The following PPP2R2B variants were observed in gnomAD, a reference collection of about 807,000 sequenced individuals.
PPP2R2B encodes the protein protein phosphatase 2 regulatory subunit Bbeta.
In PPP2R2B, 5 loss-of-function variants were observed where a neutral mutation model predicts 46.0. The observed-to-expected ratio is 0.11, with a 90% CI of 0.06 to 0.23. The LOEUF (loss-of-function observed/expected upper bound fraction) is 0.23, where lower values mean the gene tolerates loss of function less well. PPP2R2B is among the 10% of genes least tolerant of loss of function. The pLI, the probability that PPP2R2B is intolerant of heterozygous loss-of-function variation, is 1.00. For missense variants in PPP2R2B, 367 were observed against 575.0 expected (o/e 0.64, Z 3.70); for synonymous variants, 215 against 206.7 (o/e 1.04, Z -0.34).
At chr5:146,990,424 T>A (rs542956760) in intron 1 of PPP2R2B, among the ~76,000 whole-genome samples, 9 of 152,206 alleles carry the variant, frequency 5.9e-5, no homozygotes, top group Admixed American at 2.6e-4. Flanking sequence ...ATCCATGCAC[T>A]TTTAACCAAC....
chr5:146,960,435 G>A (rs1265890621), intron 1 of PPP2R2B, among the ~76,000 whole-genome samples: 16 of 152,172 alleles, frequency 1.1e-4, no homozygotes, highest in Non-Finnish European at 1.9e-4. Context: ...GGTTACAGGC[G>A]CAGGCCACCA....
Position 146,977,898 on chromosome 5 carries a change from G to C in PPP2R2B, c.79+77767C>G, listed in dbSNP as rs562540608. On this transcript the variant is annotated intron_variant, in intron 1 of 8. Transcript: ENST00000336640. Reference sequence around the variant, plus strand: ...TCCTTTGGGTATATACCCAGGAATGGGATTGCTGGGCCAAATGGTATTTCT... The same window carrying C: ...TCCTTTGGGTATATACCCAGGAATGCGATTGCTGGGCCAAATGGTATTTCT... Among the ~76,000 whole-genome samples the C allele has an allele frequency of 1.9e-3, 287 of 152,276 alleles. 1 individual carries two copies. The highest frequency in any genetic ancestry group is 1.1e-3 in the Non-Finnish European group (76 of 68,014).
At chr5:146,950,224 TGTA>T (rs1764609567) in intron 1 of PPP2R2B, among the ~76,000 whole-genome samples, 1 of 152,056 alleles carries the variant, frequency 6.6e-6, no homozygotes, top group Non-Finnish European at 1.5e-5. Context: ...AAATATCTCA[TGTA>T]CCTCATAAAT....
Position 146,691,209 on chromosome 5 carries a change from C to T in PPP2R2B, c.366G>A (p.Glu122=), listed in dbSNP as rs774304564. The change falls in exon 5 of 10, where the codon GAG becomes GAA. Residue 122 remains glutamate, a synonymous_variant. Coordinates refer to ENST00000394411, the MANE Select transcript of PPP2R2B (RefSeq NM_181675.4). The part of the protein sequence containing the change: ...DKTVKLWKVS[E]RDKRPEGYNL... ...TGTAGCCTTCTGGCCTCTTATCACG[C>T]TCGCTGACTTTCCACAGCTTCACAG... 2 of 1,614,150 alleles carry T rather than the reference C, an allele frequency of 1.2e-6. No homozygotes were observed. The highest frequency in any genetic ancestry group is 8.5e-7 in the Non-Finnish European group (1 of 1,180,044).
At chr5:146,878,923 C>G, upstream of PPP2R2B, 3 of 1,141,894 alleles carry the variant, frequency 2.6e-6, no homozygotes, top group South Asian at 1.8e-5. The surrounding 1 kb of genome is among the most constrained non-coding windows in gnomAD (Gnocchi z 4.5). Context: ...GGGCAGCAAG[C>G]GACTAGCTTG....
chr5:146,644,234 CAAAAAAAAAAAAAA>C (rs58634387), intron 6 of PPP2R2B, among the ~76,000 whole-genome samples: 4 of 60,660 alleles, frequency 6.6e-5, no homozygotes, highest in African/African-American at 1.3e-4. Flanking sequence ...AGGAAAGTTT[CAAAAAAAAAAAAAA>C]AAAAAAAAAA....
Position 146,694,870 on chromosome 5 carries a change from C to T in PPP2R2B, c.334+3109G>A, listed in dbSNP as rs79539895. Among the ~76,000 whole-genome samples, 609 of 152,126 alleles carry T rather than the reference C, an allele frequency of 4.0e-3. 4 individuals are homozygous for T. Among genetic ancestry groups the T allele is most frequent in the African/African-American group, 0.014 (575 of 41,542 alleles). On this transcript the variant is annotated intron_variant, in intron 4 of 9. Transcript: ENST00000394411. ...AACATAATATGGCATACTTAGTTTA[C>T]AGTATGCATTTGCCTAATCATATTT...
At chr5:146,692,024 C>T (rs542218789) in intron 4 of PPP2R2B, among the ~76,000 whole-genome samples, 56 of 152,290 alleles carry the variant, frequency 3.7e-4, no homozygotes, top group South Asian at 2.1e-3. Flanking sequence ...CTTTTACTAC[C>T]TGACAATTGG....
At chr5:146,599,312 T>C (rs1771544746) in intron 8 of PPP2R2B, among the ~76,000 whole-genome samples, 1 of 152,212 alleles carries the variant, frequency 6.6e-6, no homozygotes, top group African/African-American at 2.4e-5. Flanking sequence ...CAAACCTCAC[T>C]GACTCTTCAT....
intron 2 of PPP2R2B, among the ~76,000 whole-genome samples, chr5:146,753,646 A>G (rs1582026005): frequency 6.6e-6 from 1 of 152,248 alleles, no homozygotes; most frequent in Middle Eastern, 3.4e-3. Flanking sequence ...GTTTTAAACT[A>G]AAGATAAGTG....
chr5:146,635,725 GGAGA>G (rs1264770791), intron 7 of PPP2R2B, among the ~76,000 whole-genome samples: 1 of 152,172 alleles, frequency 6.6e-6, no homozygotes, highest in Admixed American at 6.5e-5. Context: ...TCACTCTCTG[GGAGA>G]GAGTTAGAGA....
chr5:146,923,578 T>C (rs1306343338), intron 1 of PPP2R2B, among the ~76,000 whole-genome samples: 1 of 152,164 alleles, frequency 6.6e-6, no homozygotes, highest in African/African-American at 2.4e-5. Context: ...CCTTCTTGGG[T>C]TTCACAAATA....
At chr5:146,869,288 A>G (rs1232091663) in intron 2 of PPP2R2B, among the ~76,000 whole-genome samples, 1 of 152,224 alleles carries the variant, frequency 6.6e-6, no homozygotes, top group African/African-American at 2.4e-5. Flanking sequence ...TCTCAGCTTT[A>G]AAGATAATAA....
chr5:146,790,346 G>A (rs1582109754), intron 2 of PPP2R2B, among the ~76,000 whole-genome samples: 1 of 152,206 alleles, frequency 6.6e-6, no homozygotes, highest in East Asian at 1.9e-4. Context: ...AAGAGAACAG[G>A]AAAAAAGCCC....
intron 7 of PPP2R2B, among the ~76,000 whole-genome samples, chr5:146,619,636 C>T (rs1292219962): frequency 2.6e-5 from 4 of 152,148 alleles, no homozygotes; most frequent in Admixed American, 2.6e-4. Flanking sequence ...GAAACTTGAG[C>T]GTGTGATCAA....
chr5:146,934,176 C>T (rs1276919263), intron 1 of PPP2R2B, among the ~76,000 whole-genome samples: 6 of 151,984 alleles, frequency 3.9e-5, no homozygotes, highest in Admixed American at 1.3e-4. Flanking sequence ...GCATGATTTA[C>T]AGTCATTTGG....
intron 1 of PPP2R2B, chr5:146,922,374 T>G (rs1246301326): frequency 6.6e-6 from 1 of 152,240 alleles, no homozygotes; most frequent in Admixed American, 6.5e-5. Flanking sequence ...CCCTCCTAGC[T>G]CAGAGACTGC....
chr5:147,005,671 C>G (rs1561571177), intron 1 of PPP2R2B, among the ~76,000 whole-genome samples: 1 of 150,372 alleles, frequency 6.7e-6, no homozygotes, highest in African/African-American at 2.4e-5. Context: ...GACAGGAAGT[C>G]AGAGAGAGAG....
chr5:147,053,535 C>G (rs1419911605), intron 1 of PPP2R2B, among the ~76,000 whole-genome samples: 1 of 122,968 alleles, frequency 8.1e-6, no homozygotes, highest in East Asian at 2.7e-4. Flanking sequence ...ACACGATTGC[C>G]AACAATATAA....
Sources: gnomAD v4.1 joint callset for allele counts (sites outside exome capture counted in the v4.1 genomes callset) on GRCh38, gnomAD v4.1.1 for gene constraint, Gnocchi (gnomAD v3.1) non-coding constraint, MANE v1.5 for transcripts, NCBI Gene and HGNC (gene_info 2026-07-23, HGNC 2026-07-21) for gene names.